The following NPVF variants were observed in gnomAD, a reference collection of about 807,000 sequenced individuals.
NPVF encodes pro-FMRFamide-related neuropeptide VF.
In NPVF, 17 loss-of-function variants were observed where a neutral mutation model predicts 15.7. The ratio of observed to expected loss-of-function variants is 1.08; its 90% CI spans 0.74 to 1.62. The LOEUF is 1.62. NPVF is among the 40% of genes most tolerant of loss of function. The pLI is 0.00. For synonymous variants in NPVF, 70 were observed against 80.1 expected (o/e 0.87, Z 0.67); for missense variants, 270 against 225.2 (o/e 1.20, Z -1.27).
At chr7:25,227,884 GAT>G (rs1240647380) in intron 1 of NPVF, among the ~76,000 whole-genome samples, 6 of 152,256 alleles carry the variant, frequency 3.9e-5, no homozygotes, top group African/African-American at 1.4e-4. Flanking sequence ...ACTTTACTAA[GAT>G]ATAGATTTAG....
chr7:25,227,371 T>C (rs937261735), intron 1 of NPVF, among the ~76,000 whole-genome samples: 3 of 152,176 alleles, frequency 2.0e-5, no homozygotes, highest in Non-Finnish European at 4.4e-5. Context: ...TTCATGTTGC[T>C]TATGGAATAT....
At position 25,227,659 on chromosome 7, in the gene NPVF, C is replaced by T. The variant is rs972338658; in HGVS notation, c.139-633G>A. ...CATTGGTTTATGGGTTACTGCATCA[C>T]AAGTATGCCAACTTTGTAGGAACCA... On this transcript the variant is annotated intron_variant, in intron 1 of 2. Coordinates refer to ENST00000222674, the MANE Select transcript of NPVF (RefSeq NM_022150.3). Among the ~76,000 whole-genome samples the T allele has an allele frequency of 2.6e-5, 4 of 152,264 alleles. No homozygotes were observed. In the East Asian group the frequency reaches 7.7e-4, roughly 29 times the overall value.
At position 25,226,941 on chromosome 7, in the gene NPVF, G is replaced by A. The variant is rs145204458; in HGVS notation, c.224C>T (p.Thr75Ile). 176 of 1,611,238 alleles carry A rather than the reference G, an allele frequency of 1.1e-4. No individual in the cohort carries two copies. Among genetic ancestry groups the A allele is most frequent in the Middle Eastern group, 3.3e-4 (2 of 6,080 alleles). Residue 75 changes from threonine (T) to isoleucine (I), a missense_variant, in exon 2 of 3, where the codon ACA becomes ATA. Coordinates refer to ENST00000222674, the MANE Select transcript of NPVF (RefSeq NM_022150.3). ...WGPKNVIKMS[T>I]PAVNKMPHSF... is the part of the protein sequence containing the mutation. ...GTGTGGCATTTTATTGACTGCAGGT[G>A]TACTCATCTTAATAACATTTTTTGG...
intron 1 of NPVF, among the ~76,000 whole-genome samples, chr7:25,227,294 C>T (rs957414426): frequency 1.3e-5 from 2 of 152,074 alleles, no homozygotes; most frequent in East Asian, 3.8e-4. Flanking sequence ...GCAGCAGGAA[C>T]ATAATGAAGT....
chr7:25,226,555 G>C (rs1783131322), intron 2 of NPVF, 71 bp downstream of exon 2: 2 of 1,495,404 alleles, frequency 1.3e-6, no homozygotes, highest in South Asian at 2.6e-5. Flanking sequence ...AAAAGATGTA[G>C]TCATTTTTAA....
intron 2 of NPVF, 55 bp from the exon 3 acceptor site, chr7:25,225,228 T>A (rs2717854): frequency 0.27 from 379,529 of 1,380,934 alleles, 53,865 homozygotes; most frequent in African/African-American, 0.38. Flanking sequence ...AGCATGCAAG[T>A]GTGTATACAA....
intron 2 of NPVF, among the ~76,000 whole-genome samples, chr7:25,226,260 A>T (rs2115497411): frequency 1.3e-5 from 2 of 152,298 alleles, no homozygotes; most frequent in Middle Eastern, 6.8e-3. Context: ...GATTATTGAG[A>T]TGGGGTCCTT....
chr7:25,225,228 T>G (rs2717854), intron 2 of NPVF, 55 bp from the exon 3 acceptor site: 9 of 1,382,980 alleles, frequency 6.5e-6, no homozygotes, highest in Non-Finnish European at 9.2e-6. Context: ...AGCATGCAAG[T>G]GTGTATACAA....
At position 25,226,859 on chromosome 7, in the gene NPVF, A is replaced by G. The variant is rs1783137046; in HGVS notation, c.306T>C (p.Ala102=). 3.7e-6 allele frequency: 6 copies of G among 1,614,224 alleles called. No homozygotes were observed. Among genetic ancestry groups the G allele is most frequent in the Non-Finnish European group, 5.1e-6 (6 of 1,180,040 alleles). The part of the protein sequence containing the change: ...FGRNVQEERS[A]GATANLPLRS... Reference sequence around the variant, plus strand: ...TCAGAGGCAGGTTGGCTGTTGCTCCAGCACTTCTTTCTTCTTGAACGTTCC... The same window carrying G: ...TCAGAGGCAGGTTGGCTGTTGCTCCGGCACTTCTTTCTTCTTGAACGTTCC... The change falls in exon 2 of 3, where the codon GCT becomes GCC. Residue 102 remains alanine, a synonymous_variant. Coordinates refer to ENST00000222674, the MANE Select transcript of NPVF (RefSeq NM_022150.3).
Position 25,226,826 on chromosome 7 carries a change from TC to T in NPVF, c.338del (p.Gly113GlufsTer6), listed in dbSNP as rs773859021. 9 of 1,614,192 alleles carry T rather than the reference TC, an allele frequency of 5.6e-6. No individual in the cohort carries two copies. Among genetic ancestry groups the T allele is most frequent in the Non-Finnish European group, 7.6e-6 (9 of 1,180,026 alleles). On this transcript the variant is annotated frameshift_variant, in exon 2 of 3. Transcript: ENST00000222674. LOFTEE classifies it high-confidence loss of function. ...GATANLPLRS[G>X]RNMEVSLVRR... is the part of the protein sequence containing the mutation. ...TCACGAGGCTCACCTCCATATTTCT[TC>T]CAGATCTCAGAGGCAGGTTGGCTGT...
At chr7:25,225,459 A>C (rs1783113179) in intron 2 of NPVF, among the ~76,000 whole-genome samples, 1 of 152,228 alleles carries the variant, frequency 6.6e-6, no homozygotes, top group Admixed American at 6.5e-5. Flanking sequence ...CAGAAATGTC[A>C]GTGGTTCTCC....
intron 1 of NPVF, among the ~76,000 whole-genome samples, chr7:25,227,842 A>G (rs768055143): frequency 5.3e-5 from 8 of 152,234 alleles, no homozygotes; most frequent in Non-Finnish European, 8.8e-5. Context: ...GAAAATAAAA[A>G]CAATTTGCAA....
intron 2 of NPVF, among the ~76,000 whole-genome samples, chr7:25,226,104 T>A (rs1309048771): frequency 6.6e-6 from 1 of 152,212 alleles, no homozygotes; most frequent in African/African-American, 2.4e-5. Flanking sequence ...AATTTTTAAA[T>A]CTTACATTCT....
chr7:25,227,652 T>C (rs973987898), intron 1 of NPVF, among the ~76,000 whole-genome samples: 5 of 152,198 alleles, frequency 3.3e-5, no homozygotes, highest in African/African-American at 9.6e-5. Flanking sequence ...TATGGGTTAC[T>C]GCATCACAAG....
chr7:25,226,731 C>A lies in NPVF; in HGVS notation c.434G>T (p.Ser145Ile). 1 of 1,614,190 alleles carries A rather than the reference C, an allele frequency of 6.2e-7. No individual in the cohort carries two copies. The highest frequency in any genetic ancestry group is 1.1e-5 in the South Asian group (1 of 91,082). Residue 145 changes from serine to isoleucine, a missense_variant, in exon 2 of 3, where the codon AGT (serine) becomes ATT (isoleucine). Physicochemically the swap from Ser to Ile is moderately radical, Grantham distance 142. Coordinates refer to ENST00000222674, the MANE Select transcript of NPVF (RefSeq NM_022150.3). ...ATGCATGGATCCTTGACACAAATCA[C>A]TCAGCATCCTGCAGACACTTTTGGC... ...TTAKSVCRMLSDLCQGSMHSP... is the reference protein window; with the variant it reads ...TTAKSVCRMLIDLCQGSMHSP...
intron 2 of NPVF, among the ~76,000 whole-genome samples, chr7:25,226,252 T>C (rs1338081027): frequency 6.6e-6 from 1 of 152,160 alleles, no homozygotes; most frequent in African/African-American, 2.4e-5. Flanking sequence ...GAGACCTAGA[T>C]TATTGAGATG....
At chr7:25,228,118 C>A (rs1241548153) in intron 1 of NPVF, among the ~76,000 whole-genome samples, 184 bp downstream of exon 1, 1 of 152,120 alleles carries the variant, frequency 6.6e-6, no homozygotes, top group African/African-American at 2.4e-5. Flanking sequence ...ATGACAGAGG[C>A]CAGCCTGATT....
intron 2 of NPVF, 86 bp downstream of exon 2, chr7:25,226,540 T>A: frequency 1.4e-6 from 2 of 1,441,620 alleles, no homozygotes; most frequent in East Asian, 2.3e-5. Flanking sequence ...TAGAAACTTA[T>A]GTTGAAAAGA....
chr7:25,224,820 C>G lies in NPVF; in HGVS notation c.*302G>C, dbSNP rs1276428799. ...TTTTTTTTATTAAGTGTAACTGTGCCAATGATTTTTATATAGGGTAGTGAG... is the reference window on the plus strand; with the variant it reads ...TTTTTTTTATTAAGTGTAACTGTGCGAATGATTTTTATATAGGGTAGTGAG... On this transcript the variant is annotated 3_prime_UTR_variant, in exon 3 of 3. Coordinates refer to ENST00000222674, the MANE Select transcript of NPVF (RefSeq NM_022150.3). 3.4e-6 allele frequency: 1 copy of G among 297,188 alleles called. No individual in the cohort carries two copies. The highest frequency in any genetic ancestry group is 2.2e-5 in the African/African-American group (1 of 46,080). The allele number at this position is 297,188 out of a possible 1,614,324, so 18.4% of individuals were successfully genotyped here.
Sources: allele counts gnomAD v4.1 joint callset (sites outside exome capture counted in the v4.1 genomes callset), GRCh38; gene constraint gnomAD v4.1.1; transcripts MANE v1.5; gene names NCBI Gene and HGNC (gene_info 2026-07-23, HGNC 2026-07-21).